MTMR3: variants seen among roughly 807,000 people sequenced by gnomAD.
MTMR3 encodes the protein phosphatidylinositol-3,5-bisphosphate 3-phosphatase MTMR3.
Under a neutral mutation model 132.4 loss-of-function variants are expected in MTMR3, and 32 were observed. The observed-to-expected ratio is 0.24, with a 90% CI of 0.18 to 0.32. The LOEUF is 0.32. Ranked by LOEUF, MTMR3 falls within the 10% of genes least tolerant of loss-of-function variation. The probability of loss-of-function intolerance (pLI) is 1.00; values close to 1 mark genes in which losing one functional copy is unlikely to be tolerated. For missense variants in MTMR3, 1,216 were observed against 1,489.6 expected (o/e 0.82, Z 3.02); for synonymous variants, 556 against 550.3 (o/e 1.01, Z -0.14).
At chr22:29,883,975 A>G (rs1268546086) in intron 1 of MTMR3, among the ~76,000 whole-genome samples, 10 of 152,214 alleles carry the variant, frequency 6.6e-5, no homozygotes, top group Admixed American at 6.5e-4. Context: ...GCAAATGATT[A>G]CAGTGTTATT....
At chr22:29,981,039 T>C (rs2066732131) in intron 5 of MTMR3, 1 of 152,262 alleles carries the variant, frequency 6.6e-6, no homozygotes, top group African/African-American at 2.4e-5. Context: ...CAAAATTCAG[T>C]TCAGGTGATA....
Position 29,960,467 on chromosome 22 carries a change from T to C in MTMR3, c.-85+3379T>C, listed in dbSNP as rs541615735. 3.3e-5 allele frequency among the ~76,000 whole-genome samples: 5 copies of C among 152,280 alleles called. No homozygotes were observed. The South Asian group carries it at 6.2e-4, about 19-fold the overall frequency. ...GGTTCAAAAAAAATGCACGTGCATA[T>C]GCGCGAACAAAAAAGGAGACAGTGT... On this transcript the variant is annotated intron_variant, in intron 2 of 19. Transcript: ENST00000401950.
rs2067904080 is a variant in MTMR3, at chr22:30,025,990, A to C, written c.*189A>C. The C allele has an allele frequency of 3.9e-6, 2 of 514,668 alleles. No individual in the cohort carries two copies. The highest frequency in any genetic ancestry group is 3.0e-5 in the East Asian group (1 of 32,912). 31.9% of individuals were successfully genotyped at this position (514,668 alleles called of 1,614,324 possible). A position where few individuals can be genotyped will look rare whatever the true frequency, so the allele number is the denominator to read the frequency against. The stretch of plus-strand genomic sequence containing the variant: ...TTTCCTGTCCCCCTACTCCCTCCCT[A>C]CCTTTTCCATCCTCCTCCTCTGCCT... On this transcript the variant is annotated 3_prime_UTR_variant, in exon 20 of 20. Transcript: ENST00000401950.
intron 2 of MTMR3, among the ~76,000 whole-genome samples, chr22:29,962,914 T>TC (rs2066340432): frequency 6.7e-6 from 1 of 149,024 alleles, no homozygotes; most frequent in African/African-American, 2.5e-5. Context: ...TTTTTTCTTT[T>TC]TTTTTTTTTT....
Position 30,026,942 on chromosome 22 carries a change from C to CA in MTMR3, c.*1142dup, listed in dbSNP as rs1301674861. The CA allele has an allele frequency of 6.5e-6, 1 of 152,842 alleles. No individual in the cohort carries two copies. Among genetic ancestry groups the CA allele is most frequent in the South Asian group, 2.1e-4 (1 of 4,836 alleles). 9.5% of individuals were successfully genotyped at this position (152,842 alleles called of 1,614,324 possible). On this transcript the variant is annotated 3_prime_UTR_variant, in exon 20 of 20. Coordinates refer to ENST00000401950, the MANE Select transcript of MTMR3 (RefSeq NM_021090.4). Reference sequence around the variant, plus strand: ...TGCCACTCCTGGCTGTCTGAGTGGGCACTTGTCTGGCTGCTGGCCAGCAGT... The same window carrying CA: ...TGCCACTCCTGGCTGTCTGAGTGGGCAACTTGTCTGGCTGCTGGCCAGCAGT...
chr22:29,991,805 G>A lies in MTMR3; in HGVS notation c.460+135G>A, dbSNP rs146435532. The A allele has an allele frequency of 1.1e-3, 997 of 887,354 alleles. 8 individuals are homozygous for A. The African/African-American group carries it at 0.015, about 13-fold the overall frequency. 55.0% of individuals were successfully genotyped at this position (887,354 alleles called of 1,614,324 possible). On this transcript the variant is annotated intron_variant, in intron 7 of 19. Coordinates refer to ENST00000401950, the MANE Select transcript of MTMR3 (RefSeq NM_021090.4). ...ATTTTAAGGAGCACCCAGCAAGTGC[G>A]CAGCATTCTTTTAAGCTTAATAGAA...
chr22:29,957,415 GTATT>G (rs59964116), intron 2 of MTMR3, among the ~76,000 whole-genome samples: 15,821 of 146,910 alleles, frequency 0.11, 950 homozygotes, highest in African/African-American at 0.17. Flanking sequence ...ATCTCCAGTT[GTATT>G]TATTTATTTA....
chr22:30,013,072 T>A (rs1236357075), intron 13 of MTMR3: 1 of 237,154 alleles, frequency 4.2e-6, no homozygotes, highest in Non-Finnish European at 8.1e-6. Flanking sequence ...GGGAAAAGTG[T>A]GGTTTTTATA....
intron 1 of MTMR3, among the ~76,000 whole-genome samples, chr22:29,888,767 AC>A (rs2064729898): frequency 9.1e-6 from 1 of 109,842 alleles, no homozygotes; most frequent in African/African-American, 3.1e-5. Flanking sequence ...ATTAGTTAAT[AC>A]TTTTTTTTTT....
rs761679848 is a variant in MTMR3 at position 30,025,668 on chromosome 22, A to G, written c.3464A>G (p.Gln1155Arg). ...GNVFCSSCCN[Q>R]KVPVPSQQLF... is the part of the protein sequence containing the mutation. ...GTATTCTGCTCCAGTTGTTGTAACC[A>G]GAAGGTTCCAGTTCCCAGCCAGCAG... The change falls in exon 20 of 20, where the codon CAG (glutamine) becomes CGG (arginine). Residue 1155 changes from glutamine (Q) to arginine (R), a missense_variant. Gln to Arg is a conservative substitution (Grantham distance 43, BLOSUM62 1). Coordinates refer to ENST00000401950, the MANE Select transcript of MTMR3 (RefSeq NM_021090.4). 2.2e-5 allele frequency: 36 copies of G among 1,614,134 alleles called. 1 individual carries two copies. In the South Asian group the frequency reaches 3.8e-4, roughly 17 times the overall value.
At chr22:29,978,857 T>TC in intron 4 of MTMR3, 79 bp from the exon 5 acceptor site, 1 of 1,021,398 alleles carries the variant, frequency 9.8e-7, no homozygotes, top group Non-Finnish European at 1.5e-6. Context: ...GGATTTACCA[T>TC]CCATTCAGCC....
chr22:30,022,359 A>T (rs1027983951), intron 18 of MTMR3: 7 of 607,506 alleles, frequency 1.2e-5, no homozygotes, highest in African/African-American at 5.5e-5. Context: ...GCCTCTATGA[A>T]CTGGAGCCTT....
intron 1 of MTMR3, among the ~76,000 whole-genome samples, chr22:29,948,017 C>A (rs983858367): frequency 5.9e-5 from 9 of 152,032 alleles, no homozygotes; most frequent in African/African-American, 2.2e-4. Flanking sequence ...TTTTCATTGG[C>A]GTGTTTTCAA....
chr22:29,906,334 G>GTCTGTCTA (rs1555894509), intron 1 of MTMR3, among the ~76,000 whole-genome samples: 22 of 119,934 alleles, frequency 1.8e-4, no homozygotes, highest in African/African-American at 1.1e-3. Flanking sequence ...CTATCTATCT[G>GTCTGTCTA]TCTATCTATC....
chr22:29,928,176 T>C (rs866543550), intron 1 of MTMR3, among the ~76,000 whole-genome samples: 30 of 148,496 alleles, frequency 2.0e-4, no homozygotes, highest in East Asian at 5.9e-4. Flanking sequence ...TTTTTCTTTT[T>C]TTTTTTTTTT....
chr22:29,938,614 C>G (rs1435829755), intron 1 of MTMR3, among the ~76,000 whole-genome samples: 1 of 152,056 alleles, frequency 6.6e-6, no homozygotes, highest in African/African-American at 2.4e-5. Flanking sequence ...TTGGGGACTT[C>G]CCTCAGCCCA....
Position 29,949,135 on chromosome 22 carries a change from A to C in MTMR3, c.-137-7901A>C, listed in dbSNP as rs1253267347. Among the ~76,000 whole-genome samples the C allele has an allele frequency of 4.1e-3, 129 of 31,218 alleles. 3 individuals carry two copies. The highest frequency in any genetic ancestry group is 0.024 in the African/African-American group (122 of 5,062). 20.5% of individuals were successfully genotyped at this position (31,218 alleles called of 152,430 possible). A position where few individuals can be genotyped will look rare whatever the true frequency, so the allele number is the denominator to read the frequency against. ...CACACACACACACACACACACACAC[A>C]CACACACACCCCCCCCCCCCCCCCC... On this transcript the variant is annotated intron_variant, in intron 1 of 19. Coordinates refer to ENST00000401950, the MANE Select transcript of MTMR3 (RefSeq NM_021090.4).
intron 1 of MTMR3, among the ~76,000 whole-genome samples, chr22:29,908,759 A>G (rs1421801971): frequency 6.6e-6 from 1 of 152,222 alleles, no homozygotes; most frequent in Non-Finnish European, 1.5e-5. Context: ...TGATTATTGT[A>G]GAACTTTCTA....
chr22:29,921,406 C>T (rs1045609937), intron 1 of MTMR3, among the ~76,000 whole-genome samples: 4 of 152,152 alleles, frequency 2.6e-5, no homozygotes, highest in African/African-American at 9.7e-5. Context: ...CCACCTCCAA[C>T]GTTTGGGATC....
Sources: gnomAD v4.1 joint callset for allele counts (sites outside exome capture counted in the v4.1 genomes callset) on GRCh38, gnomAD v4.1.1 for gene constraint, MANE v1.5 for transcripts, NCBI Gene and HGNC (gene_info 2026-07-23, HGNC 2026-07-21) for gene names.